CRACDL: variants seen among roughly 807,000 people sequenced by gnomAD.
CRACDL encodes the protein CRACD like.
In CRACDL, 26 loss-of-function variants were observed where a neutral mutation model predicts 70.6. The ratio of observed to expected loss-of-function variants is 0.37; its 90% CI spans 0.27 to 0.51. The LOEUF is 0.51. CRACDL is among the 20% of genes least tolerant of loss of function. The probability of loss-of-function intolerance (pLI) is 0.94; values close to 1 mark genes in which losing one functional copy is unlikely to be tolerated. For synonymous variants in CRACDL, 618 were observed against 615.2 expected (o/e 1.00, Z -0.07); for missense variants, 1,283 against 1,376.9 (o/e 0.93, Z 1.08).
In CRACDL at chr2:98,794,508, A is replaced by G; in HGVS notation, c.*24T>C. 6.2e-7 allele frequency: 1 copy of G among 1,609,474 alleles called. No homozygotes were observed. The stretch of plus-strand genomic sequence containing the variant: ...TAAGTGGCTTGTCAGGGTAGTGGAC[A>G]TGCTTTATCAGCACACTGCCCACCT... On this transcript the variant is annotated 3_prime_UTR_variant, in exon 10 of 10. Transcript: ENST00000397899.
chr2:98,836,219 T>A (rs900140371), intron 3 of CRACDL, among the ~76,000 whole-genome samples: 1 of 152,178 alleles, frequency 6.6e-6, no homozygotes, highest in African/African-American at 2.4e-5. Flanking sequence ...GTCACTTTAT[T>A]CAACCCACAG....
intron 1 of CRACDL, among the ~76,000 whole-genome samples, chr2:98,913,464 G>C (rs180689317): frequency 2.4e-4 from 37 of 152,276 alleles, no homozygotes; most frequent in Non-Finnish European, 4.7e-4. Flanking sequence ...GGGGAACAGG[G>C]AGTACAAGAC....
At chr2:98,810,329 A>G (rs1242375292) in intron 7 of CRACDL, among the ~76,000 whole-genome samples, 2 of 152,212 alleles carry the variant, frequency 1.3e-5, no homozygotes, top group East Asian at 3.8e-4. Context: ...TGTTTTGGCC[A>G]GAATCTAAAA....
At chr2:98,801,697 T>C (rs1029310123) in intron 7 of CRACDL, among the ~76,000 whole-genome samples, 10 of 152,200 alleles carry the variant, frequency 6.6e-5, no homozygotes, top group Admixed American at 2.0e-4. Context: ...ATTGTGAAGA[T>C]TGGGTGAAAT....
At chr2:98,853,684 C>T (rs1706575839) in intron 1 of CRACDL, among the ~76,000 whole-genome samples, 1 of 151,994 alleles carries the variant, frequency 6.6e-6, no homozygotes, top group Non-Finnish European at 1.5e-5. Context: ...ACTAAAAAAA[C>T]TATTATGAAT....
chr2:98,891,999 T>A (rs1388711012), intron 1 of CRACDL, among the ~76,000 whole-genome samples: 2 of 152,202 alleles, frequency 1.3e-5, no homozygotes, highest in Non-Finnish European at 2.9e-5. Context: ...AAACTAAATG[T>A]AACAATCAGA....
At chr2:98,868,029 A>AT (rs1202617763) in intron 1 of CRACDL, among the ~76,000 whole-genome samples, 12 of 152,206 alleles carry the variant, frequency 7.9e-5, no homozygotes, top group Admixed American at 3.3e-4. Flanking sequence ...TCACCACTCT[A>AT]TCCTGGCCCA....
chr2:98,877,301 T>G (rs1020010307), intron 1 of CRACDL, among the ~76,000 whole-genome samples: 3 of 152,238 alleles, frequency 2.0e-5, no homozygotes, highest in African/African-American at 7.2e-5. Context: ...GGCTCCGATA[T>G]CTAACATTCT....
intron 1 of CRACDL, among the ~76,000 whole-genome samples, chr2:98,886,803 AT>A (rs1464034438): frequency 1.3e-5 from 2 of 152,058 alleles, no homozygotes; most frequent in East Asian, 3.9e-4. Flanking sequence ...AGAATCTAAT[AT>A]TCTAAGTTGC....
intron 7 of CRACDL, among the ~76,000 whole-genome samples, chr2:98,815,447 C>A (rs957011283): frequency 6.6e-6 from 1 of 152,214 alleles, no homozygotes; most frequent in South Asian, 2.1e-4. Context: ...GGTTCTACGG[C>A]TAGAAAGCCA....
At chr2:98,798,296 G>A (rs974474219) in intron 7 of CRACDL, among the ~76,000 whole-genome samples, 7 of 152,038 alleles carry the variant, frequency 4.6e-5, no homozygotes, top group Non-Finnish European at 1.5e-5. Flanking sequence ...AGTGAGCTGA[G>A]ATCACGCCAT....
At chr2:98,861,810 A>G (rs1706948865) in intron 1 of CRACDL, among the ~76,000 whole-genome samples, 2 of 152,178 alleles carry the variant, frequency 1.3e-5, no homozygotes, top group Admixed American at 1.3e-4. Context: ...CTCTTAGCAC[A>G]GTAGCATCCA....
In CRACDL at chr2:98,916,975, G is replaced by T. The variant is rs561468770; in HGVS notation, c.-11+18963C>A. On this transcript the variant is annotated intron_variant, in intron 1 of 9. Transcript: ENST00000397899. ...TCTGCTCAATCAGAATTTACTAAAGGGAATCTGAATGAAATGAAGCTGAGC... is the reference window on the plus strand; with the variant it reads ...TCTGCTCAATCAGAATTTACTAAAGTGAATCTGAATGAAATGAAGCTGAGC... 2.0e-5 allele frequency among the ~76,000 whole-genome samples: 3 copies of T among 152,278 alleles called. No individual in the cohort carries two copies. The East Asian group carries it at 5.8e-4, about 29-fold the overall frequency.
At chr2:98,876,614 C>T (rs1243019973) in intron 1 of CRACDL, among the ~76,000 whole-genome samples, 1 of 152,202 alleles carries the variant, frequency 6.6e-6, no homozygotes, top group Non-Finnish European at 1.5e-5. Context: ...TCCCCCTGCC[C>T]TTCCCTGGTC....
At chr2:98,815,416 T>C (rs1575337714) in intron 7 of CRACDL, among the ~76,000 whole-genome samples, 1 of 152,224 alleles carries the variant, frequency 6.6e-6, no homozygotes, top group Non-Finnish European at 1.5e-5. Context: ...ATGTCTCCTT[T>C]CTGTAATCTC....
intron 9 of CRACDL, among the ~76,000 whole-genome samples, chr2:98,795,078 T>TATATA (rs1461039601): frequency 1.6e-4 from 3 of 18,274 alleles, no homozygotes; most frequent in Non-Finnish European, 3.4e-4. Flanking sequence ...TATATATATA[T>TATATA]TTTTTTTTTT....
At chr2:98,925,957 A>G (rs1205821634) in intron 1 of CRACDL, among the ~76,000 whole-genome samples, 1 of 152,200 alleles carries the variant, frequency 6.6e-6, no homozygotes, top group Non-Finnish European at 1.5e-5. Flanking sequence ...GAGGTTATGC[A>G]TTAGGCAGCC....
intron 1 of CRACDL, among the ~76,000 whole-genome samples, chr2:98,886,332 G>A (rs376613395): frequency 9.9e-5 from 15 of 152,280 alleles, no homozygotes; most frequent in African/African-American, 2.6e-4. Context: ...GACAATTACC[G>A]GCAAATATTT....
At chr2:98,896,248 A>C (rs1000606029) in intron 1 of CRACDL, among the ~76,000 whole-genome samples, 1 of 152,192 alleles carries the variant, frequency 6.6e-6, no homozygotes, top group African/African-American at 2.4e-5. Flanking sequence ...CGGGCATGAG[A>C]GTGGATGGTG....
Sources: gnomAD v4.1 joint callset for allele counts (sites outside exome capture counted in the v4.1 genomes callset) on GRCh38, gnomAD v4.1.1 for gene constraint, MANE v1.5 for transcripts, NCBI Gene and HGNC (gene_info 2026-07-23, HGNC 2026-07-21) for gene names.